Variants in TMEM209 observed in about 807,000 individuals in gnomAD.
TMEM209 encodes transmembrane protein 209.
TMEM209 carries 65 observed loss-of-function variants against 76.2 expected under a neutral mutation model. The observed-to-expected ratio is 0.85, with a 90% confidence interval of 0.70 to 1.05. The LOEUF is 1.05. Among genes scored for constraint, TMEM209 ranks in the 50% least tolerant of loss-of-function variants. The pLI is 0.00. For synonymous variants in TMEM209, 239 were observed against 237.6 expected (o/e 1.01, Z -0.06); for missense variants, 623 against 685.5 (o/e 0.91, Z 1.02).
intron 1 of TMEM209, 173 bp downstream of exon 1, chr7:130,205,200 C>G: frequency 1.3e-6 from 2 of 1,546,760 alleles, no homozygotes; most frequent in African/African-American, 1.4e-5. Context: ...CTCCCCGGCT[C>G]CTGGGCACGA....
At chr7:130,179,855 T>C (rs1056114814) in intron 9 of TMEM209, among the ~76,000 whole-genome samples, 1 of 152,156 alleles carries the variant, frequency 6.6e-6, no homozygotes, top group Admixed American at 6.6e-5. Context: ...TCCCAGCTAC[T>C]TGGATGCGGC....
At chr7:130,204,756 G>A (rs1376167167) in intron 1 of TMEM209, among the ~76,000 whole-genome samples, 2 of 152,184 alleles carry the variant, frequency 1.3e-5, no homozygotes, top group African/African-American at 4.8e-5. Flanking sequence ...ATGTTACACG[G>A]ACTAGGCAAA....
chr7:130,167,181 T>A (rs1451261501), intron 14 of TMEM209, among the ~76,000 whole-genome samples: 2 of 152,132 alleles, frequency 1.3e-5, no homozygotes, highest in Admixed American at 1.3e-4. Context: ...ACTTGGGGAA[T>A]ACAGTCCACT....
chr7:130,173,501 A>G lies in TMEM209; in HGVS notation c.1557+131T>C, dbSNP rs1388397032. On this transcript the variant is annotated intron_variant, in intron 13 of 14. Coordinates refer to ENST00000397622, the MANE Select transcript of TMEM209 (RefSeq NM_032842.4). ...ATATTACTTTTATAGTAAGAAATAT[A>G]TATGTAGGAAACACATTTCCAATTT... The G allele has an allele frequency of 1.7e-5, 11 of 636,566 alleles. No homozygotes were observed. The Admixed American group carries it at 3.6e-4, about 21-fold the overall frequency. 39.4% of individuals were successfully genotyped at this position (636,566 alleles called of 1,614,324 possible). A position where few individuals can be genotyped will look rare whatever the true frequency, so the allele number is the denominator to read the frequency against.
intron 13 of TMEM209, among the ~76,000 whole-genome samples, chr7:130,172,115 T>C (rs1194190991): frequency 6.6e-6 from 1 of 151,900 alleles, no homozygotes; most frequent in East Asian, 1.9e-4. Context: ...CCCAGGAATG[T>C]GATACTAGCC....
chr7:130,181,528 AG>A, intron 9 of TMEM209, 94 bp downstream of exon 9: 1 of 1,056,000 alleles, frequency 9.5e-7, no homozygotes, highest in Non-Finnish European at 1.4e-6. Context: ...TTTCACCCCA[AG>A]GTAACAAAAT....
At chr7:130,188,995 C>G (rs6953325) in intron 6 of TMEM209, among the ~76,000 whole-genome samples, 39,250 of 151,866 alleles carry the variant, frequency 0.26, 5,383 homozygotes, top group East Asian at 0.39. Flanking sequence ...CAAAAAATCC[C>G]ACAAAACCCA....
rs11375003 is a variant in TMEM209, at chr7:130,202,099, GA to G, written c.332-9del. 1.3e-5 allele frequency: 21 copies of G among 1,571,700 alleles called. No individual in the cohort carries two copies. The highest frequency in any genetic ancestry group is 7.7e-5 in the Admixed American group (4 of 52,204). On this transcript the variant is annotated splice_polypyrimidine_tract_variant and intron_variant, in intron 4 of 14. Coordinates refer to ENST00000397622, the MANE Select transcript of TMEM209 (RefSeq NM_032842.4). ...GAGGCGTAGTCTGTACAACTAGAAG[GA>G]AAAAAAAAGCAACATATGTGTATGT...
intron 9 of TMEM209, 122 bp from the exon 10 acceptor site, chr7:130,178,649 G>A (rs1375347892): frequency 1.8e-6 from 2 of 1,101,502 alleles, no homozygotes; most frequent in Non-Finnish European, 2.5e-6. Flanking sequence ...CTTCATACAA[G>A]TCAATGACGT....
chr7:130,193,398 C>T (rs766890219), intron 5 of TMEM209, among the ~76,000 whole-genome samples: 2 of 151,898 alleles, frequency 1.3e-5, no homozygotes, highest in Non-Finnish European at 2.9e-5. Flanking sequence ...ATTAGCTGGG[C>T]GTGGTGGTGC....
Position 130,166,521 on chromosome 7 carries a change from A to C in TMEM209, c.1632-16T>G. 4.0e-6 allele frequency: 6 copies of C among 1,495,746 alleles called. No individual in the cohort carries two copies. The highest frequency in any genetic ancestry group is 5.3e-6 in the Non-Finnish European group (6 of 1,125,534). The allele number at this position is 1,495,746 out of a possible 1,614,324, so 92.7% of individuals were successfully genotyped here. On this transcript the variant is annotated splice_polypyrimidine_tract_variant and intron_variant, in intron 14 of 14. Coordinates refer to ENST00000397622, the MANE Select transcript of TMEM209 (RefSeq NM_032842.4). ...ATTAACTCTCCTATAAAGAGAAAAA[A>C]AATTTTTATTAGAATTGGTTGCCAA...
intron 3 of TMEM209, among the ~76,000 whole-genome samples, chr7:130,202,940 T>A (rs1798270926): frequency 6.6e-6 from 1 of 151,786 alleles, no homozygotes; most frequent in African/African-American, 2.4e-5. Flanking sequence ...AATATAAAAA[T>A]TAGCCAGGTG....
At chr7:130,181,945 CT>C (rs926497011) in intron 8 of TMEM209, 5,982 of 295,834 alleles carry the variant, frequency 0.02, no homozygotes, top group South Asian at 0.036. Flanking sequence ...ACTTACATTC[CT>C]TTTTTTTTTT....
At chr7:130,171,703 T>C (rs544115508) in intron 13 of TMEM209, among the ~76,000 whole-genome samples, 1 of 152,286 alleles carries the variant, frequency 6.6e-6, no homozygotes, top group East Asian at 1.9e-4. Flanking sequence ...AAAATAATTG[T>C]AAAGGTTATC....
chr7:130,201,880 C>T lies in TMEM209; in HGVS notation c.543G>A (p.Val181=). 6.2e-7 allele frequency: 1 copy of T among 1,613,816 alleles called. No homozygotes were observed. The highest frequency in any genetic ancestry group is 1.3e-5 in the African/African-American group (1 of 74,976). The change falls in exon 5 of 15, where the codon GTG becomes GTA. Residue 181 remains valine, a synonymous_variant. Transcript: ENST00000397622. ...TATAACCACTGACGGGCGAGTAGGTCACTCCAGGGCTATAAGAACCACTGC... is the reference window on the plus strand; with the variant it reads ...TATAACCACTGACGGGCGAGTAGGTTACTCCAGGGCTATAAGAACCACTGC... The part of the protein sequence containing the change: ...SGGSGSYSPG[V]TYSPVSGYNK...
At chr7:130,183,534 G>A (rs1462086050) in intron 8 of TMEM209, among the ~76,000 whole-genome samples, 1 of 152,204 alleles carries the variant, frequency 6.6e-6, no homozygotes, top group Non-Finnish European at 1.5e-5. Context: ...ATGCAGAGTG[G>A]ATGGATGAAT....
At chr7:130,191,894 G>C (rs1288994350) in intron 6 of TMEM209, among the ~76,000 whole-genome samples, 2 of 152,078 alleles carry the variant, frequency 1.3e-5, no homozygotes, top group Admixed American at 1.3e-4. Context: ...GTATTGACTG[G>C]TTTCTGTAAC....
chr7:130,175,622 G>C lies in TMEM209; in HGVS notation c.1247-13C>G. On this transcript the variant is annotated splice_polypyrimidine_tract_variant and intron_variant, in intron 10 of 14. Coordinates refer to ENST00000397622, the MANE Select transcript of TMEM209 (RefSeq NM_032842.4). ...CCCTGAGATAGTTCTGTGGCAACAA[G>C]GTGAAATTTTTAAAAGCTAAGAGTA... is the stretch of plus-strand genomic sequence containing the variant. 1.2e-6 allele frequency: 2 copies of C among 1,600,028 alleles called. No individual in the cohort carries two copies. Among genetic ancestry groups the C allele is most frequent in the Non-Finnish European group, 8.5e-7 (1 of 1,173,384 alleles).
intron 8 of TMEM209, among the ~76,000 whole-genome samples, chr7:130,183,758 A>T (rs1191300498): frequency 6.6e-6 from 1 of 152,212 alleles, no homozygotes; most frequent in African/African-American, 2.4e-5. Context: ...GAAAAACAGA[A>T]ATCATAATCT....
Sources: allele counts gnomAD v4.1 joint callset (sites outside exome capture counted in the v4.1 genomes callset), GRCh38; gene constraint gnomAD v4.1.1; transcripts MANE v1.5; gene names NCBI Gene and HGNC (gene_info 2026-07-23, HGNC 2026-07-21).